ABLIM3: variants seen among roughly 807,000 people sequenced by gnomAD.
ABLIM3 encodes actin-binding LIM protein 3.
In ABLIM3, 61 loss-of-function variants were observed where a neutral mutation model predicts 109.5. That is an observed-to-expected ratio of 0.56 (90% CI 0.45 to 0.69). ABLIM3 has a LOEUF of 0.69. Ranked by LOEUF, ABLIM3 falls within the 30% of genes least tolerant of loss-of-function variation. The pLI is 0.00. For synonymous variants in ABLIM3, 300 were observed against 324.8 expected (o/e 0.92, Z 0.82); for missense variants, 796 against 889.5 (o/e 0.89, Z 1.34).
At chr5:149,226,409 T>C (rs1046805373) in intron 8 of ABLIM3, among the ~76,000 whole-genome samples, 1 of 151,724 alleles carries the variant, frequency 6.6e-6, no homozygotes, top group Admixed American at 6.6e-5. Context: ...CGCTTGAACC[T>C]GGGGGCAGAG....
Position 149,239,142 on chromosome 5 carries a change from C to T in ABLIM3, c.1045-106C>T, listed in dbSNP as rs986076597. On this transcript the variant is annotated intron_variant, in intron 11 of 23. Transcript: ENST00000309868. ...GGAGAGGGGTACAAAGGAACTGCTGCAAACCCTCTCTGCCGAGCCATCTAA... is the reference window on the plus strand; with the variant it reads ...GGAGAGGGGTACAAAGGAACTGCTGTAAACCCTCTCTGCCGAGCCATCTAA... 7.1e-6 allele frequency: 8 copies of T among 1,123,998 alleles called. No homozygotes were observed. The East Asian group carries it at 1.9e-4, about 27-fold the overall frequency. The allele number at this position is 1,123,998 out of a possible 1,614,324, so 69.6% of individuals were successfully genotyped here.
intron 2 of ABLIM3, among the ~76,000 whole-genome samples, chr5:149,179,314 GTTTGTTTGTTTT>G (rs1490923890): frequency 4.0e-5 from 6 of 151,800 alleles, no homozygotes; most frequent in Non-Finnish European, 8.8e-5. Context: ...TTGTTTGTTT[GTTTGTTTGTTTT>G]GTCTTAAAAA....
chr5:149,238,851 C>T (rs1450590081), intron 11 of ABLIM3, among the ~76,000 whole-genome samples: 1 of 152,154 alleles, frequency 6.6e-6, no homozygotes, highest in Non-Finnish European at 1.5e-5. Flanking sequence ...GGGTGCCCTG[C>T]CCTGGGCATC....
At chr5:149,224,895 G>T (rs1322652437) in intron 8 of ABLIM3, among the ~76,000 whole-genome samples, 1 of 152,224 alleles carries the variant, frequency 6.6e-6, no homozygotes, top group African/African-American at 2.4e-5. Flanking sequence ...GCTAGTAAAT[G>T]ATGTAGCCAG....
rs111273635 is a variant in ABLIM3, at chr5:149,249,845, G to C, written c.1729+1G>C. The C allele has an allele frequency of 1.2e-6, 2 of 1,614,196 alleles. No individual in the cohort carries two copies. Among genetic ancestry groups the C allele is most frequent in the East Asian group, 4.5e-5 (2 of 44,882 alleles). On this transcript the variant is annotated splice_donor_variant, in intron 19 of 23. Coordinates refer to ENST00000309868, the MANE Select transcript of ABLIM3 (RefSeq NM_014945.5). LOFTEE classifies it high-confidence loss of function. The stretch of plus-strand genomic sequence containing the variant: ...CGGTCGCACTACCTGGCTGACAGTG[G>C]TAAGTTCTACCTGCCCTACCTTCAG...
intron 2 of ABLIM3, among the ~76,000 whole-genome samples, chr5:149,157,625 CCAAT>C (rs2127442372): frequency 6.7e-6 from 1 of 150,026 alleles, no homozygotes; most frequent in African/African-American, 2.5e-5. Flanking sequence ...CCAAGACAGG[CCAAT>C]CAGAGTATTC....
intron 1 of ABLIM3, 108 bp downstream of exon 1, chr5:149,141,762 A>C: frequency 2.8e-6 from 1 of 352,956 alleles, no homozygotes; most frequent in Non-Finnish European, 5.2e-6. Context: ...GCCGCTGGGC[A>C]GGAATAGTCC....
At chr5:149,202,288 G>A (rs980293569) in intron 5 of ABLIM3, among the ~76,000 whole-genome samples, 16 of 152,182 alleles carry the variant, frequency 1.1e-4, no homozygotes, top group Non-Finnish European at 5.9e-5. Context: ...ATTAGGAGGT[G>A]GAAGAAGGTG....
intron 5 of ABLIM3, among the ~76,000 whole-genome samples, chr5:149,203,605 TCAC>T (rs1320734727): frequency 6.6e-6 from 1 of 151,878 alleles, no homozygotes; most frequent in Non-Finnish European, 1.5e-5. Flanking sequence ...AATACCATTG[TCAC>T]CACCAACACA....
At chr5:149,148,824 T>TG (rs1372731505) in intron 2 of ABLIM3, among the ~76,000 whole-genome samples, 1 of 152,148 alleles carries the variant, frequency 6.6e-6, no homozygotes, top group Non-Finnish European at 1.5e-5. Flanking sequence ...TTTACATGCA[T>TG]GGTTCCTTCT....
At chr5:149,181,299 G>A (rs1453585139) in intron 2 of ABLIM3, among the ~76,000 whole-genome samples, 3 of 151,258 alleles carry the variant, frequency 2.0e-5, no homozygotes, top group East Asian at 1.9e-4. Flanking sequence ...CATTCTGGGG[G>A]GTGGGGAAGG....
intron 6 of ABLIM3, 108 bp from the exon 7 acceptor site, chr5:149,210,618 C>T (rs925281783): frequency 1.7e-5 from 15 of 859,788 alleles, no homozygotes; most frequent in Non-Finnish European, 3.0e-5. Flanking sequence ...GGAGAAGTAT[C>T]GAACTTTGGC....
intron 4 of ABLIM3, chr5:149,199,137 C>T (rs1006897230): frequency 2.2e-6 from 1 of 456,472 alleles, no homozygotes; most frequent in African/African-American, 2.0e-5. Flanking sequence ...GTTAAGACTC[C>T]ACTGAATGCC....
At chr5:149,237,732 T>A in intron 11 of ABLIM3, 129 bp downstream of exon 11, 1 of 1,205,628 alleles carries the variant, frequency 8.3e-7, no homozygotes, top group Non-Finnish European at 1.1e-6. Context: ...ACACTGGGAT[T>A]TATGGCCAAC....
intron 10 of ABLIM3, among the ~76,000 whole-genome samples, chr5:149,234,088 G>C (rs576728147): frequency 6.6e-6 from 1 of 152,316 alleles, no homozygotes; most frequent in East Asian, 1.9e-4. Context: ...ATAGTGCCAT[G>C]AATCATCAAT....
At chr5:149,238,676 A>G (rs1561622967) in intron 11 of ABLIM3, among the ~76,000 whole-genome samples, 1 of 152,252 alleles carries the variant, frequency 6.6e-6, no homozygotes, top group East Asian at 1.9e-4. Context: ...TTGGAAAATT[A>G]AGATGCTGTG....
intron 9 of ABLIM3, 45 bp downstream of exon 9, chr5:149,230,752 C>G (rs2127545472): frequency 2.5e-6 from 4 of 1,604,658 alleles, no homozygotes; most frequent in Non-Finnish European, 2.6e-6. Flanking sequence ...TGCTTTGCTA[C>G]TTTCTGCCAC....
intron 2 of ABLIM3, chr5:149,177,013 C>G (rs1480733231): frequency 6.6e-6 from 1 of 152,268 alleles, no homozygotes; most frequent in African/African-American, 2.4e-5. Flanking sequence ...GTCTTGTCCT[C>G]TGGGTCTCAG....
chr5:149,227,560 T>C (rs1761436645), intron 8 of ABLIM3, among the ~76,000 whole-genome samples: 1 of 152,166 alleles, frequency 6.6e-6, no homozygotes, highest in South Asian at 2.1e-4. Flanking sequence ...AAATTATGAG[T>C]CATAAAATCA....
Sources: gnomAD v4.1 joint callset for allele counts (sites outside exome capture counted in the v4.1 genomes callset) on GRCh38, gnomAD v4.1.1 for gene constraint, MANE v1.5 for transcripts, NCBI Gene and HGNC (gene_info 2026-07-23, HGNC 2026-07-21) for gene names.